Variants in ANK2 observed in about 807,000 individuals in gnomAD.
The protein encoded by ANK2 is ankyrin 2.
A neutral mutation model predicts 360.5 loss-of-function variants in ANK2; 83 were observed. The ratio of observed to expected loss-of-function variants is 0.23; its 90% CI spans 0.19 to 0.28. The LOEUF is 0.28. ANK2 is among the 10% of genes least tolerant of loss of function. ANK2 has a pLI of 1.00. For missense variants in ANK2, 4,201 were observed against 4,795.7 expected, an observed-to-expected ratio of 0.88 and a Z score of 3.66; for synonymous variants, 1,740 against 1,759.5, an observed-to-expected ratio of 0.99 and a Z score of 0.28.
the ANK2 span, among the ~76,000 whole-genome samples, chr4:112,790,554 C>T: frequency 1.4e-5 from 2 of 140,208 alleles, no homozygotes. Context: ...GTGGTGTGAT[C>T]ATGGCTCACT....
chr4:113,277,260 G>A (rs963576815), intron 15 of ANK2, among the ~76,000 whole-genome samples: 1 of 152,190 alleles, frequency 6.6e-6, no homozygotes, highest in Non-Finnish European at 1.5e-5. Flanking sequence ...AGTCTTTTGG[G>A]AAAGGGGACA....
chr4:113,081,808 C>T (rs2082493168), intron 1 of ANK2, among the ~76,000 whole-genome samples: 1 of 150,576 alleles, frequency 6.6e-6, no homozygotes, highest in Admixed American at 6.6e-5. Context: ...CATGAAAACA[C>T]GTATTTTTTT....
At chr4:113,325,846 A>C (rs2089520898) in intron 26 of ANK2, among the ~76,000 whole-genome samples, 1 of 152,192 alleles carries the variant, frequency 6.6e-6, no homozygotes, top group East Asian at 1.9e-4. Flanking sequence ...TGGTAACAGG[A>C]TTATTTTTCA....
In ANK2 at chr4:113,212,696, G is replaced by T. The variant is rs557588364; in HGVS notation, c.384+13587G>T. 3.2e-4 allele frequency among the ~76,000 whole-genome samples: 48 copies of T among 152,288 alleles called. 1 individual carries two copies. Among genetic ancestry groups the T allele is most frequent in the Admixed American group, 3.1e-3 (48 of 15,300 alleles). On this transcript the variant is annotated intron_variant, in intron 4 of 45. Coordinates refer to ENST00000357077, the MANE Select transcript of ANK2 (RefSeq NM_001148.6). Reference sequence around the variant, plus strand: ...TCAGAGTTCTCATCTGTGATAGGGGGATCATAATAACAGTACCTTCAGCAA... The same window carrying T: ...TCAGAGTTCTCATCTGTGATAGGGGTATCATAATAACAGTACCTTCAGCAA...
At chr4:113,178,872 A>T (rs993057898) in intron 2 of ANK2, among the ~76,000 whole-genome samples, 16 of 152,326 alleles carry the variant, frequency 1.1e-4, no homozygotes, top group African/African-American at 3.6e-4. Flanking sequence ...CTGTGTCCCA[A>T]GTCCAAGCTT....
intron 26 of ANK2, among the ~76,000 whole-genome samples, chr4:113,327,364 T>C (rs1206265173): frequency 6.6e-6 from 1 of 152,232 alleles, no homozygotes; most frequent in African/African-American, 2.4e-5. Flanking sequence ...GGAGAATATT[T>C]AACATTCAGG....
chr4:113,161,445 T>C (rs911317606), intron 1 of ANK2, among the ~76,000 whole-genome samples: 33 of 152,204 alleles, frequency 2.2e-4, no homozygotes, highest in Non-Finnish European at 1.2e-4. Context: ...ATCTTTTACA[T>C]TTTAGTGTAA....
At chr4:112,840,129 C>G (rs916398625) in intron 1 of ANK2, among the ~76,000 whole-genome samples, 1 of 152,150 alleles carries the variant, frequency 6.6e-6, no homozygotes, top group Admixed American at 6.6e-5. Flanking sequence ...GGCTTTAGAT[C>G]AAACATCTCT....
intron 1 of ANK2, among the ~76,000 whole-genome samples, chr4:113,060,350 A>G (rs113600159): frequency 0.019 from 2,928 of 152,250 alleles, 42 homozygotes; most frequent in African/African-American, 0.023. Context: ...GCCAGTCTAC[A>G]TAGAGTTCTA....
intron 4 of ANK2, among the ~76,000 whole-genome samples, chr4:113,207,933 C>T (rs1354564186): frequency 6.6e-6 from 1 of 152,024 alleles, no homozygotes. Flanking sequence ...CATCAGCGGT[C>T]AGGGGATGAA....
At chr4:113,238,885 C>G (rs1476338651) in intron 7 of ANK2, among the ~76,000 whole-genome samples, 1 of 152,112 alleles carries the variant, frequency 6.6e-6, no homozygotes, top group Non-Finnish European at 1.5e-5. Context: ...ATCAGTGAGG[C>G]TGTATCAGAC....
At chr4:112,806,364 G>T in the ANK2 span, among the ~76,000 whole-genome samples, 1 of 152,118 alleles carries the variant, frequency 6.6e-6, no homozygotes, top group South Asian at 2.1e-4. Flanking sequence ...CATCCATGTT[G>T]TTGCAAATGA....
chr4:112,788,144 A>G, the ANK2 span: 1 of 1,583,920 alleles, frequency 6.3e-7, no homozygotes, highest in Non-Finnish European at 8.6e-7. Flanking sequence ...AATGCGAGCC[A>G]CAGACTTAGG....
In ANK2 at chr4:113,332,850, C is replaced by A. The variant is rs114429566; in HGVS notation, c.3225-204C>A. The A allele has an allele frequency of 7.6e-4, 483 of 635,662 alleles. 1 individual carries two copies. The African/African-American group carries it at 8.1e-3, about 11-fold the overall frequency. The allele number at this position is 635,662 out of a possible 1,614,324, so 39.4% of individuals were successfully genotyped here. On this transcript the variant is annotated intron_variant, in intron 28 of 45. Coordinates refer to ENST00000357077, the MANE Select transcript of ANK2 (RefSeq NM_001148.6). ...GGAAACATTATTTGGCTTAAGGTAG[C>A]AGCATGTACCTGAGGATTGGTGCCC... is the stretch of plus-strand genomic sequence containing the variant.
At chr4:113,184,035 A>G (rs2098466725) in intron 2 of ANK2, among the ~76,000 whole-genome samples, 2 of 149,710 alleles carry the variant, frequency 1.3e-5, no homozygotes, top group Admixed American at 6.6e-5. Flanking sequence ...TACGAGATCC[A>G]AAGACACTGC....
chr4:113,143,066 G>A (rs1047737494), intron 1 of ANK2, among the ~76,000 whole-genome samples: 6 of 151,574 alleles, frequency 4.0e-5, no homozygotes, highest in African/African-American at 1.2e-4. Flanking sequence ...TATGAATTGC[G>A]TCCCTATCTG....
intron 1 of ANK2, among the ~76,000 whole-genome samples, chr4:113,093,628 C>T (rs2154354917): frequency 6.6e-6 from 1 of 152,338 alleles, no homozygotes; most frequent in Non-Finnish European, 1.5e-5. Flanking sequence ...GTGTGAGCCA[C>T]CACGCCCAGC....
At chr4:112,832,978 A>G (rs866136796) in intron 1 of ANK2, among the ~76,000 whole-genome samples, 1 of 152,210 alleles carries the variant, frequency 6.6e-6, no homozygotes. Context: ...ACTATATGTT[A>G]GGACATGGAG....
At chr4:112,714,431 C>A in the ANK2 span, among the ~76,000 whole-genome samples, 1 of 152,340 alleles carries the variant, frequency 6.6e-6, no homozygotes, top group East Asian at 1.9e-4. Flanking sequence ...AATCTACCCA[C>A]CTTGGTCTCC....
Sources: gnomAD v4.1 joint callset for allele counts (sites outside exome capture counted in the v4.1 genomes callset) on GRCh38, gnomAD v4.1.1 for gene constraint, MANE v1.5 for transcripts, NCBI Gene and HGNC (gene_info 2026-07-23, HGNC 2026-07-21) for gene names.